Variants in ANKRD30A observed in about 807,000 individuals in gnomAD.
The protein encoded by ANKRD30A is ankyrin repeat domain 30A, also known as ankyrin repeat domain-containing protein 30A.
In ANKRD30A, 170 loss-of-function variants were observed where a neutral mutation model predicts 166.3. That is an observed-to-expected ratio of 1.02 (90% CI 0.90 to 1.16). The LOEUF (loss-of-function observed/expected upper bound fraction) is 1.16. Ranked by LOEUF, ANKRD30A falls within the 50% of genes most tolerant of loss-of-function variation. ANKRD30A has a pLI of 0.00. For synonymous variants in ANKRD30A, 564 were observed against 508.9 expected, an observed-to-expected ratio of 1.11 and a Z score of -1.46; for missense variants, 1,630 against 1,518.0, an observed-to-expected ratio of 1.07 and a Z score of -1.23.
At chr10:37,262,652 T>A in the ANKRD30A span, 1 of 153,608 alleles carries the variant, frequency 6.5e-6, no homozygotes, top group East Asian at 1.9e-4. Flanking sequence ...ATTTCAAATT[T>A]GTTATGTAAA....
chr10:37,259,151 G>A, the ANKRD30A span, among the ~76,000 whole-genome samples: 5 of 151,882 alleles, frequency 3.3e-5, no homozygotes, highest in Non-Finnish European at 7.4e-5. Context: ...GAAAGAAAAG[G>A]GAAGTTAAAG....
intron 24 of ANKRD30A, among the ~76,000 whole-genome samples, chr10:37,182,795 G>C (rs2132640866): frequency 1.4e-5 from 2 of 143,762 alleles, no homozygotes; most frequent in South Asian, 4.8e-4. Context: ...GTTTCAGTGT[G>C]TTAGCCAGGA....
intron 1 of ANKRD30A, among the ~76,000 whole-genome samples, chr10:37,127,396 G>T (rs1836112886): frequency 6.6e-6 from 1 of 152,012 alleles, no homozygotes; most frequent in Non-Finnish European, 1.5e-5. Flanking sequence ...ACCTTTTTAA[G>T]AAGCTCAGAA....
chr10:37,263,860 G>T, the ANKRD30A span, among the ~76,000 whole-genome samples: 1 of 152,132 alleles, frequency 6.6e-6, no homozygotes, highest in Non-Finnish European at 1.5e-5. Flanking sequence ...GTCTTAATTA[G>T]CCTGGGATGT....
At chr10:37,129,805 T>A in intron 1 of ANKRD30A, 88 bp from the exon 2 acceptor site, 1 of 630,460 alleles carries the variant, frequency 1.6e-6, no homozygotes. Context: ...AGAAAGAGCG[T>A]GGTATTTAAT....
At chr10:37,249,341 CA>C in the ANKRD30A span, among the ~76,000 whole-genome samples, 2 of 152,060 alleles carry the variant, frequency 1.3e-5, no homozygotes, top group African/African-American at 4.8e-5. Flanking sequence ...GACCCATTTT[CA>C]TTGGATTATT....
At chr10:37,234,077 G>A (rs1285066014), downstream of ANKRD30A, among the ~76,000 whole-genome samples, 1 of 152,096 alleles carries the variant, frequency 6.6e-6, no homozygotes, top group Non-Finnish European at 1.5e-5. Context: ...TGTTGCATGT[G>A]ATTGAAGTTG....
chr10:37,201,467 T>G, intron 31 of ANKRD30A, 142 bp downstream of exon 31: 1 of 524,406 alleles, frequency 1.9e-6, no homozygotes, highest in Non-Finnish European at 3.1e-6. Context: ...GGTCATAAGT[T>G]ATATGTCTCA....
In ANKRD30A at chr10:37,141,904, C is replaced by A. The variant is rs560930371; in HGVS notation, c.1007C>A (p.Ser336Tyr). ...DEAASLVEGT[S>Y]DKIQCLEKAT... ...GCTGCATCCTTGGTGGAGGGAACAT[C>A]TGACAAAATTCAATGTTTGGAGAAA... The change falls in exon 7 of 36, where the codon TCT becomes TAT. Residue 336 changes from serine (S) to tyrosine (Y), a missense_variant. Transcript: ENST00000361713. 2 of 1,614,210 alleles carry A rather than the reference C, an allele frequency of 1.2e-6. No individual in the cohort carries two copies. Among genetic ancestry groups the A allele is most frequent in the Admixed American group, 1.7e-5 (1 of 60,020 alleles).
the ANKRD30A span, among the ~76,000 whole-genome samples, chr10:37,238,731 C>T: frequency 6.6e-6 from 1 of 152,046 alleles, no homozygotes. Flanking sequence ...ATAGCATTAC[C>T]TTAGTAGTTT....
At chr10:37,148,936 TGTG>T (rs998165362) in intron 9 of ANKRD30A, among the ~76,000 whole-genome samples, 5 of 152,118 alleles carry the variant, frequency 3.3e-5, no homozygotes, top group African/African-American at 9.6e-5. Flanking sequence ...AAATAAATAT[TGTG>T]GTGACTTTAT....
At chr10:37,238,351 A>T in the ANKRD30A span, among the ~76,000 whole-genome samples, 1 of 152,162 alleles carries the variant, frequency 6.6e-6, no homozygotes, top group Non-Finnish European at 1.5e-5. Flanking sequence ...TGTTATTATT[A>T]TACTTTATGT....
intron 9 of ANKRD30A, 150 bp from the exon 10 acceptor site, chr10:37,149,501 C>A: frequency 1.0e-6 from 1 of 958,930 alleles, no homozygotes; most frequent in Non-Finnish European, 1.6e-6. Flanking sequence ...GTGTGTGTGT[C>A]CTAAACAAAC....
the ANKRD30A span, among the ~76,000 whole-genome samples, chr10:37,253,222 C>T: frequency 6.6e-6 from 1 of 152,116 alleles, no homozygotes; most frequent in Admixed American, 6.5e-5. Context: ...TCTGATAGAA[C>T]TTTCTGTGAG....
rs34646779 is a variant in ANKRD30A, at chr10:37,143,915, C to CTT, written c.1394-1065_1394-1064dup. Among the ~76,000 whole-genome samples, 59 of 132,162 alleles carry CTT rather than the reference C, an allele frequency of 4.5e-4. 1 individual carries two copies. The highest frequency in any genetic ancestry group is 3.9e-3 in the Middle Eastern group (1 of 256). 86.7% of individuals were successfully genotyped at this position (132,162 alleles called of 152,430 possible). On this transcript the variant is annotated intron_variant, in intron 7 of 35. Coordinates refer to ENST00000361713, the MANE Select transcript of ANKRD30A (RefSeq NM_052997.3). ...CTTTTGTAGTAGTTCATGCTATAGT[C>CTT]TTTTTTTTTTTTTTTTGTCACCAAT...
At position 37,125,765 on chromosome 10, in the gene ANKRD30A, C is replaced by A; in HGVS notation, c.-23C>A. On this transcript the variant is annotated 5_prime_UTR_variant, in exon 1 of 36. Coordinates refer to ENST00000361713, the MANE Select transcript of ANKRD30A (RefSeq NM_052997.3). Reference sequence around the variant, plus strand: ...GAAGGGCGATCGGGAGGCGCGGGCACTCTCTAGCAGGTGGCCGCAGCCATG... The same window carrying A: ...GAAGGGCGATCGGGAGGCGCGGGCAATCTCTAGCAGGTGGCCGCAGCCATG... The A allele has an allele frequency of 1.6e-6, 1 of 607,156 alleles. No homozygotes were observed. 37.6% of individuals were successfully genotyped at this position (607,156 alleles called of 1,614,324 possible).
chr10:37,172,505 G>T (rs1642610884), intron 21 of ANKRD30A, among the ~76,000 whole-genome samples: 1 of 138,456 alleles, frequency 7.2e-6, no homozygotes, highest in African/African-American at 2.7e-5. Context: ...GTGTTGTATG[G>T]GAAGAATTCT....
chr10:37,135,421 C>G (rs1836620231), intron 5 of ANKRD30A: 1 of 152,050 alleles, frequency 6.6e-6, no homozygotes, highest in African/African-American at 2.4e-5. Flanking sequence ...ATGTGTGACA[C>G]CAAGTATTGC....
At chr10:37,261,442 T>C in the ANKRD30A span, among the ~76,000 whole-genome samples, 2 of 152,198 alleles carry the variant, frequency 1.3e-5, no homozygotes, top group Non-Finnish European at 2.9e-5. Context: ...CATATAGTTA[T>C]CTTTTTATTG....
Sources: gnomAD v4.1 joint callset for allele counts (sites outside exome capture counted in the v4.1 genomes callset) on GRCh38, gnomAD v4.1.1 for gene constraint, MANE v1.5 for transcripts, NCBI Gene and HGNC (gene_info 2026-07-23, HGNC 2026-07-21) for gene names.